ABCA13: variants seen among roughly 807,000 people sequenced by gnomAD.
ABCA13 encodes the protein ATP binding cassette subfamily A member 13, also known as ATP-binding cassette sub-family A member 13.
ABCA13 carries 476 observed loss-of-function variants against 478.7 expected under a neutral mutation model. The ratio of observed to expected loss-of-function variants is 0.99; its 90% CI spans 0.92 to 1.07. The LOEUF (loss-of-function observed/expected upper bound fraction) is 1.07. Ranked by LOEUF, ABCA13 falls within the 50% of genes least tolerant of loss-of-function variation. The probability of loss-of-function intolerance (pLI) is 0.00; values close to 1 mark genes in which losing one functional copy is unlikely to be tolerated. For synonymous variants in ABCA13, 2,252 were observed against 2,158.9 expected, an observed-to-expected ratio of 1.04 and a Z score of -1.20; for missense variants, 6,060 against 5,910.6, an observed-to-expected ratio of 1.03 and a Z score of -0.83.
chr7:48,550,216 C>T (rs116380507), intron 55 of ABCA13, among the ~76,000 whole-genome samples: 1,555 of 151,236 alleles, frequency 0.01, 40 homozygotes, highest in African/African-American at 0.035. Flanking sequence ...GAAAATTCTG[C>T]GTTTCATATA....
At chr7:48,417,129 T>C (rs7803999) in intron 41 of ABCA13, among the ~76,000 whole-genome samples, 19,996 of 152,102 alleles carry the variant, frequency 0.13, 1,545 homozygotes, top group African/African-American at 0.2. Context: ...CCATTGAGAC[T>C]GTACAAGTCC....
At chr7:48,215,037 C>A (rs1786232590) in intron 3 of ABCA13, among the ~76,000 whole-genome samples, 1 of 152,124 alleles carries the variant, frequency 6.6e-6, no homozygotes, top group Non-Finnish European at 1.5e-5. Context: ...CATTAATAAA[C>A]ATGGGAGGTG....
At chr7:48,603,981 T>C (rs1791188139) in intron 58 of ABCA13, 1 of 152,206 alleles carries the variant, frequency 6.6e-6, no homozygotes, top group South Asian at 2.1e-4. Context: ...ATTTCAGTAA[T>C]TTATCCATTT....
At chr7:48,230,459 A>C (rs1160026299) in intron 7 of ABCA13, among the ~76,000 whole-genome samples, 1 of 152,190 alleles carries the variant, frequency 6.6e-6, no homozygotes, top group African/African-American at 2.4e-5. Context: ...TTCCTGAATT[A>C]CCAACTGAGT....
At chr7:48,356,579 A>G (rs1584988381) in intron 31 of ABCA13, among the ~76,000 whole-genome samples, 1 of 151,898 alleles carries the variant, frequency 6.6e-6, no homozygotes, top group Non-Finnish European at 1.5e-5. Flanking sequence ...GTTTAACTCT[A>G]TTTAACTAAA....
intron 59 of ABCA13, among the ~76,000 whole-genome samples, chr7:48,630,817 G>GTTTTTTT (rs55908191): frequency 6.8e-6 from 1 of 147,480 alleles, no homozygotes; most frequent in Non-Finnish European, 1.5e-5. Context: ...GCCAGCATCT[G>GTTTTTTT]TTTTTTTTTT....
At position 48,412,345 on chromosome 7, in the gene ABCA13, A is replaced by G. The variant is rs762048287; in HGVS notation, c.12229-8A>G. The G allele has an allele frequency of 1.8e-5, 28 of 1,589,680 alleles. No individual in the cohort carries two copies. The highest frequency in any genetic ancestry group is 2.3e-5 in the Non-Finnish European group (27 of 1,167,172). On this transcript the variant is annotated splice_region_variant and splice_polypyrimidine_tract_variant and intron_variant, in intron 40 of 61. Coordinates refer to ENST00000435803, the MANE Select transcript of ABCA13 (RefSeq NM_152701.5). ...ACTGGCTTCTTTTTTCCTTTTTTTT[A>G]TGGATAGCCTTCTGTTCTGGAGGCC... is the stretch of plus-strand genomic sequence containing the variant.
chr7:48,253,169 G>C (rs542229888), intron 15 of ABCA13, among the ~76,000 whole-genome samples: 1 of 152,078 alleles, frequency 6.6e-6, no homozygotes, highest in African/African-American at 2.4e-5. Context: ...ACTCCTAGCC[G>C]CCTGCAGGTC....
chr7:48,276,400 T>A lies in ABCA13; in HGVS notation c.6734T>A (p.Met2245Lys). 1.3e-6 allele frequency: 2 copies of A among 1,559,690 alleles called. No homozygotes were observed. The highest frequency in any genetic ancestry group is 8.7e-7 in the Non-Finnish European group (1 of 1,154,482). The change falls in exon 17 of 62, where the codon ATG becomes AAG. Residue 2245 changes from methionine (M) to lysine (K), a missense_variant. This residue lies in a region of ABCA13 where 4,423 missense variants were observed against 4,309.1 expected (regional missense o/e 1.03). Coordinates refer to ENST00000435803, the MANE Select transcript of ABCA13 (RefSeq NM_152701.5). ...MNFINLILNH[M>K]QSETSRKTVL... ...TTCATTAACCTTATCTTGAACCATA[T>A]GCAGTCAGAAACTAGTAGGAAAACA...
At chr7:48,219,295 T>C in intron 3 of ABCA13, 59 bp from the exon 4 acceptor site, 1 of 1,531,518 alleles carries the variant, frequency 6.5e-7, no homozygotes, top group Non-Finnish European at 8.7e-7. Flanking sequence ...TCTTAAAAAA[T>C]GCCAAGGAAA....
chr7:48,231,168 TAAAA>T (rs768172808), intron 7 of ABCA13, among the ~76,000 whole-genome samples: 1 of 137,706 alleles, frequency 7.3e-6, no homozygotes, highest in Non-Finnish European at 1.6e-5. Flanking sequence ...AACTTAAAGT[TAAAA>T]AAAAAAAAAG....
chr7:48,317,610 C>T (rs1231969818), intron 27 of ABCA13, among the ~76,000 whole-genome samples: 3 of 152,170 alleles, frequency 2.0e-5, no homozygotes, highest in South Asian at 4.1e-4. Context: ...TGGAGTAATT[C>T]CAGGAAAACT....
At chr7:48,219,053 G>T (rs1013295709) in intron 3 of ABCA13, among the ~76,000 whole-genome samples, 3 of 152,162 alleles carry the variant, frequency 2.0e-5, no homozygotes, top group African/African-American at 7.2e-5. Context: ...CGTGTGCAGG[G>T]CATGCTGTAT....
At chr7:48,341,658 C>T (rs1584928928) in intron 29 of ABCA13, among the ~76,000 whole-genome samples, 1 of 150,950 alleles carries the variant, frequency 6.6e-6, no homozygotes, top group Admixed American at 6.6e-5. Context: ...AAAAACCCAC[C>T]GTTTATGGCC....
At position 48,483,169 on chromosome 7, in the gene ABCA13, C is replaced by T; in HGVS notation, c.13182+6C>T. 2 of 1,601,276 alleles carry T rather than the reference C, an allele frequency of 1.2e-6. No individual in the cohort carries two copies. Among genetic ancestry groups the T allele is most frequent in the African/African-American group, 1.4e-5 (1 of 71,170 alleles). Reference sequence around the variant, plus strand: ...AACCCCCAACTCTGGCAAAGGTAATCATATTTTTTTATTTTTTTCCTGTTT... The same window carrying T: ...AACCCCCAACTCTGGCAAAGGTAATTATATTTTTTTATTTTTTTCCTGTTT... On this transcript the variant is annotated splice_donor_region_variant and intron_variant, in intron 47 of 61. Transcript: ENST00000435803.
At chr7:48,298,544 G>T in intron 23 of ABCA13, 57 bp downstream of exon 23, 2 of 1,578,990 alleles carry the variant, frequency 1.3e-6, no homozygotes, top group Non-Finnish European at 1.7e-6. Context: ...TTAGCCTGAA[G>T]TCACTGGCAC....
At chr7:48,503,019 CATT>C (rs1169111835) in intron 48 of ABCA13, among the ~76,000 whole-genome samples, 1 of 152,110 alleles carries the variant, frequency 6.6e-6, no homozygotes, top group Non-Finnish European at 1.5e-5. Flanking sequence ...GTATGCAAAA[CATT>C]ATTAACTGTA....
intron 57 of ABCA13, among the ~76,000 whole-genome samples, chr7:48,594,306 G>T (rs1288612638): frequency 1.3e-5 from 2 of 151,666 alleles, no homozygotes; most frequent in East Asian, 3.9e-4. Context: ...CAAATAATCT[G>T]CCCTCAAGTT....
At chr7:48,451,697 T>A (rs1212751694) in intron 42 of ABCA13, among the ~76,000 whole-genome samples, 1 of 152,212 alleles carries the variant, frequency 6.6e-6, no homozygotes, top group African/African-American at 2.4e-5. Flanking sequence ...TTATAAAATC[T>A]TCAAGAACAC....
Sources: gnomAD v4.1 joint callset for allele counts (sites outside exome capture counted in the v4.1 genomes callset) on GRCh38, gnomAD v4.1.1 for gene constraint, gnomAD v4.1.1 regional missense constraint, MANE v1.5 for transcripts, NCBI Gene and HGNC (gene_info 2026-07-23, HGNC 2026-07-21) for gene names.